The following R3HCC1L variants were observed in gnomAD, a reference collection of about 807,000 sequenced individuals.
R3HCC1L encodes R3H domain and coiled-coil containing 1 like, also known as coiled-coil domain-containing protein R3HCC1L.
Under a neutral mutation model 59.9 loss-of-function variants are expected in R3HCC1L, and 51 were observed. The observed-to-expected ratio is 0.85, with a 90% CI of 0.68 to 1.07. The LOEUF (loss-of-function observed/expected upper bound fraction) is 1.07. Ranked by LOEUF, R3HCC1L falls within the 50% of genes least tolerant of loss-of-function variation. The pLI is 0.00. For missense variants in R3HCC1L, 965 were observed against 933.0 expected, an observed-to-expected ratio of 1.03 and a Z score of -0.45; for synonymous variants, 322 against 315.2, an observed-to-expected ratio of 1.02 and a Z score of -0.23.
chr10:98,136,141 C>T (rs1041334831), intron 1 of R3HCC1L, among the ~76,000 whole-genome samples: 13 of 152,042 alleles, frequency 8.6e-5, no homozygotes, highest in Non-Finnish European at 1.5e-4. Flanking sequence ...GCGTTTGACA[C>T]TGTGCCCACT....
chr10:98,153,829 G>A (rs1846540550), intron 1 of R3HCC1L, among the ~76,000 whole-genome samples: 2 of 150,158 alleles, frequency 1.3e-5, no homozygotes, highest in East Asian at 2.0e-4. Context: ...AGAAATTCCA[G>A]AAGTAGTCAG....
chr10:98,178,825 A>G (rs961316800), intron 4 of R3HCC1L, among the ~76,000 whole-genome samples: 1 of 152,164 alleles, frequency 6.6e-6, no homozygotes, highest in Non-Finnish European at 1.5e-5. Context: ...CTTAGTAGCA[A>G]TTGTGAATGG....
chr10:98,190,778 T>A (rs1431843971), intron 4 of R3HCC1L, among the ~76,000 whole-genome samples: 1 of 152,136 alleles, frequency 6.6e-6, no homozygotes, highest in East Asian at 1.9e-4. Context: ...ACATTAGGTA[T>A]TTCACCTAAT....
At chr10:98,235,306 C>A in intron 7 of R3HCC1L, 119 bp from the exon 8 acceptor site, 2 of 816,976 alleles carry the variant, frequency 2.4e-6, no homozygotes, top group Non-Finnish European at 3.9e-6. Context: ...TTAGATCTGT[C>A]TCTTTTGCTT....
intron 4 of R3HCC1L, among the ~76,000 whole-genome samples, chr10:98,181,006 T>A (rs935139587): frequency 1.3e-5 from 2 of 152,234 alleles, no homozygotes; most frequent in African/African-American, 4.8e-5. Flanking sequence ...TTTATCCAAT[T>A]TGCCAGTCTG....
intron 4 of R3HCC1L, among the ~76,000 whole-genome samples, chr10:98,184,363 T>C (rs530024681): frequency 2.0e-5 from 3 of 152,184 alleles, no homozygotes; most frequent in Non-Finnish European, 4.4e-5. Context: ...TATAATACCA[T>C]ATTTTAACTG....
At chr10:98,212,676 A>T (rs568000581) in intron 5 of R3HCC1L, among the ~76,000 whole-genome samples, 1 of 152,166 alleles carries the variant, frequency 6.6e-6, no homozygotes, top group South Asian at 2.1e-4. Flanking sequence ...AGAACACAGG[A>T]GTTATTTTTC....
intron 3 of R3HCC1L, 61 bp from the exon 4 acceptor site, chr10:98,163,232 C>A: frequency 2.5e-6 from 1 of 405,172 alleles, no homozygotes; most frequent in South Asian, 1.0e-4. Flanking sequence ...AGTGCCTAGA[C>A]AGGTGTCAAA....
intron 4 of R3HCC1L, among the ~76,000 whole-genome samples, chr10:98,184,086 A>G (rs1396758418): frequency 6.6e-6 from 1 of 151,052 alleles, no homozygotes; most frequent in East Asian, 1.9e-4. Flanking sequence ...GTGGGGAGGA[A>G]TGTTGAGGGT....
chr10:98,165,874 A>G (rs373750727), intron 4 of R3HCC1L, among the ~76,000 whole-genome samples: 3 of 152,190 alleles, frequency 2.0e-5, no homozygotes, highest in Non-Finnish European at 1.5e-5. Context: ...GGCTTCCCCT[A>G]TAGGAAGAAG....
At chr10:98,181,000 T>C (rs1849569919) in intron 4 of R3HCC1L, among the ~76,000 whole-genome samples, 2 of 152,244 alleles carry the variant, frequency 1.3e-5, no homozygotes, top group African/African-American at 4.8e-5. Context: ...TGACTCTTTA[T>C]CCAATTTGCC....
chr10:98,208,417 A>G lies in R3HCC1L; in HGVS notation c.303A>G (p.Thr101=). 1.2e-6 allele frequency: 2 copies of G among 1,613,952 alleles called. No homozygotes were observed. Among genetic ancestry groups the G allele is most frequent in the Non-Finnish European group, 1.7e-6 (2 of 1,179,994 alleles). Residue 101 remains threonine, a synonymous_variant, in exon 5 of 10, where the codon ACA becomes ACG. Coordinates refer to ENST00000298999, the MANE Select transcript of R3HCC1L (RefSeq NM_001351015.2). ...KLRMDTCLQK[T]NRVCSKRGTT... is the part of the protein sequence containing the mutation. ...GAATGGACACATGCCTTCAAAAAAC[A>G]AATAGAGTTTGTTCTAAGAGAGGAA...
At chr10:98,192,314 A>G (rs1850951278) in intron 4 of R3HCC1L, among the ~76,000 whole-genome samples, 1 of 152,174 alleles carries the variant, frequency 6.6e-6, no homozygotes, top group African/African-American at 2.4e-5. Flanking sequence ...AATAAACAAA[A>G]TAGAAAATAG....
chr10:98,168,556 C>G (rs1423682690), intron 4 of R3HCC1L, among the ~76,000 whole-genome samples: 2 of 152,094 alleles, frequency 1.3e-5, no homozygotes, highest in African/African-American at 2.4e-5. Flanking sequence ...CTTTTGTTGT[C>G]TTGATACTCA....
chr10:98,243,870 ATATTTTT>A (rs1406796365), intron 9 of R3HCC1L, among the ~76,000 whole-genome samples: 1 of 152,212 alleles, frequency 6.6e-6, no homozygotes, highest in Non-Finnish European at 1.5e-5. Flanking sequence ...TTAGCCTCAG[ATATTTTT>A]TATTATATAG....
At chr10:98,151,633 A>T (rs1846169642) in intron 1 of R3HCC1L, among the ~76,000 whole-genome samples, 1 of 152,150 alleles carries the variant, frequency 6.6e-6, no homozygotes, top group South Asian at 2.1e-4. Context: ...TGAGACATAG[A>T]GATATGTTTT....
At chr10:98,219,104 GT>G (rs1854568705) in intron 5 of R3HCC1L, among the ~76,000 whole-genome samples, 1 of 152,162 alleles carries the variant, frequency 6.6e-6, no homozygotes, top group Non-Finnish European at 1.5e-5. Flanking sequence ...TAGAGACAGG[GT>G]TTCACCATGT....
intron 1 of R3HCC1L, among the ~76,000 whole-genome samples, chr10:98,147,274 C>G (rs1019169105): frequency 6.6e-6 from 1 of 152,020 alleles, no homozygotes; most frequent in African/African-American, 2.4e-5. Context: ...TGTTCTTTTG[C>G]TGTTGAGTTG....
chr10:98,135,177 A>G (rs1363912077), intron 1 of R3HCC1L, among the ~76,000 whole-genome samples: 42 of 152,150 alleles, frequency 2.8e-4, no homozygotes, highest in Admixed American at 2.0e-4. Flanking sequence ...TGAGCAATCT[A>G]TAAAGGAGCA....
Sources: gnomAD v4.1 joint callset for allele counts (sites outside exome capture counted in the v4.1 genomes callset) on GRCh38, gnomAD v4.1.1 for gene constraint, MANE v1.5 for transcripts, NCBI Gene and HGNC (gene_info 2026-07-23, HGNC 2026-07-21) for gene names.